The following SREBF1 variants were observed in gnomAD, a reference collection of about 807,000 sequenced individuals.
SREBF1 encodes the protein sterol regulatory element-binding protein 1.
In SREBF1, 45 loss-of-function variants were observed where a neutral mutation model predicts 100.1. The observed-to-expected ratio is 0.45, with a 90% CI of 0.35 to 0.58. SREBF1 has a LOEUF of 0.58. Among genes scored for constraint, SREBF1 ranks in the 20% least tolerant of loss-of-function variants. SREBF1 has a pLI of 0.00. For missense variants in SREBF1, 1,324 were observed against 1,539.4 expected (o/e 0.86, Z 2.34); for synonymous variants, 657 against 681.8 (o/e 0.96, Z 0.57).
chr17:17,829,191 T>TAAAAAAAAAA (rs1253225038), intron 1 of SREBF1, among the ~76,000 whole-genome samples: 10 of 44,926 alleles, frequency 2.2e-4, no homozygotes, highest in African/African-American at 8.5e-4. Flanking sequence ...GACTCCATCT[T>TAAAAAAAAAA]AAAAAAAAAA....
In SREBF1 at chr17:17,812,219, C is replaced by T. The variant is rs772480064; in HGVS notation, c.*403G>A. 53 of 394,182 alleles carry T rather than the reference C, an allele frequency of 1.3e-4. No homozygotes were observed. Among genetic ancestry groups the T allele is most frequent in the Non-Finnish European group, 2.1e-4 (44 of 213,306 alleles). The allele number at this position is 394,182 out of a possible 1,614,324, so 24.4% of individuals were successfully genotyped here. ...ACACTATGTACACGTCTCTCTCCCA[C>T]GACGGAGAGAGAGGCCTCTGGGGCA... On this transcript the variant is annotated 3_prime_UTR_variant, in exon 19 of 19. Transcript: ENST00000261646.
chr17:17,836,629 G>C (rs1352682315), intron 1 of SREBF1, 98 bp downstream of exon 1: 3 of 1,253,180 alleles, frequency 2.4e-6, no homozygotes, highest in Non-Finnish European at 3.4e-6. Context: ...ACAGCACGGA[G>C]CTGGCGCCCG....
chr17:17,833,905 A>G (rs1459015952), intron 1 of SREBF1, among the ~76,000 whole-genome samples: 1 of 152,046 alleles, frequency 6.6e-6, no homozygotes, highest in Non-Finnish European at 1.5e-5. Flanking sequence ...TGAGAGGCAG[A>G]GTTTGCAGTG....
In SREBF1 at chr17:17,812,513, G is replaced by A; in HGVS notation, c.*109C>T. On this transcript the variant is annotated 3_prime_UTR_variant, in exon 19 of 19. Coordinates refer to ENST00000261646, the MANE Select transcript of SREBF1 (RefSeq NM_004176.5). The stretch of plus-strand genomic sequence containing the variant: ...AGCAGCCGCAGGTCGAACTGTGGAG[G>A]CCAGAGTCTCTTGCACTGCCTTCGG... 8.6e-7 allele frequency: 1 copy of A among 1,161,046 alleles called. No individual in the cohort carries two copies. The highest frequency in any genetic ancestry group is 1.5e-5 in the African/African-American group (1 of 64,656). 71.9% of individuals were successfully genotyped at this position (1,161,046 alleles called of 1,614,324 possible). A position where few individuals can be genotyped will look rare whatever the true frequency, so the allele number is the denominator to read the frequency against.
chr17:17,815,695 G>A (rs1323598407), intron 12 of SREBF1, 165 bp downstream of exon 12: 61 of 726,438 alleles, frequency 8.4e-5, no homozygotes, highest in Non-Finnish European at 1.0e-4. Flanking sequence ...CAATGGGAAC[G>A]AGAGGCACCC....
At chr17:17,835,922 C>CT (rs991138411) in intron 1 of SREBF1, among the ~76,000 whole-genome samples, 1 of 152,250 alleles carries the variant, frequency 6.6e-6, no homozygotes, top group African/African-American at 2.4e-5. Flanking sequence ...GCCTCGAGGC[C>CT]TTTGCCCTTC....
chr17:17,812,215 C>G lies in SREBF1; in HGVS notation c.*407G>C, dbSNP rs748556069. ...ACCTACACTATGTACACGTCTCTCT[C>G]CCACGACGGAGAGAGAGGCCTCTGG... is the stretch of plus-strand genomic sequence containing the variant. On this transcript the variant is annotated 3_prime_UTR_variant, in exon 19 of 19. Coordinates refer to ENST00000261646, the MANE Select transcript of SREBF1 (RefSeq NM_004176.5). 34 of 396,094 alleles carry G rather than the reference C, an allele frequency of 8.6e-5. No individual in the cohort carries two copies. Among genetic ancestry groups the G allele is most frequent in the Non-Finnish European group, 1.4e-4 (29 of 213,814 alleles). 24.5% of individuals were successfully genotyped at this position (396,094 alleles called of 1,614,324 possible).
In SREBF1 at chr17:17,817,026, G is replaced by A. The variant is rs756315141; in HGVS notation, c.1717C>T (p.Arg573Trp). Reference sequence around the variant, plus strand: ...TACACGGCGGGGCCTGAGTGGGGCCGTGTGACTGGCTCACCGTAGACAAAG... The same window carrying A: ...TACACGGCGGGGCCTGAGTGGGGCCATGTGACTGGCTCACCGTAGACAAAG... ...LLFVYGEPVT[R>W]PHSGPAVYFW... The change falls in exon 9 of 19, where the codon CGG (arginine) becomes TGG (tryptophan). Residue 573 changes from arginine (R) to tryptophan (W), a missense_variant. Coordinates refer to ENST00000261646, the MANE Select transcript of SREBF1 (RefSeq NM_004176.5). This position sits in a 1 kb window ranked among gnomAD's most constrained non-coding sequence, Gnocchi z 6.6. 5.6e-6 allele frequency: 9 copies of A among 1,613,122 alleles called. No individual in the cohort carries two copies. Among genetic ancestry groups the A allele is most frequent in the African/African-American group, 4.0e-5 (3 of 75,062 alleles).
Position 17,812,750 on chromosome 17 carries a change from C to A in SREBF1, c.3316G>T (p.Gly1106Trp). Reference sequence around the variant, plus strand: ...TCAGCCAGCATGCCCACGCGCTGCCCGGGCGCCGACAGGAAGCCGGGGGGC... The same window carrying A: ...TCAGCCAGCATGCCCACGCGCTGCCAGGGCGCCGACAGGAAGCCGGGGGGC... ...YLPPGFLSAP[G>W]QRVGMLAEAA... The change falls in exon 19 of 19, where the codon GGG (glycine) becomes TGG (tryptophan). Residue 1106 changes from glycine (G) to tryptophan (W), a missense_variant. Physicochemically the swap from Gly to Trp is radical, Grantham distance 184. Coordinates refer to ENST00000261646, the MANE Select transcript of SREBF1 (RefSeq NM_004176.5). The A allele has an allele frequency of 6.5e-7, 1 of 1,548,612 alleles. No homozygotes were observed. The highest frequency in any genetic ancestry group is 1.9e-5 in the Admixed American group (1 of 53,140).
intron 1 of SREBF1, among the ~76,000 whole-genome samples, chr17:17,828,635 G>A (rs1034987164): frequency 6.6e-6 from 1 of 152,240 alleles, no homozygotes; most frequent in Non-Finnish European, 1.5e-5. Context: ...CAGTGCTAAG[G>A]TTAGGCGCAG....
chr17:17,818,493 C>A (rs2033830918), intron 5 of SREBF1, 119 bp from the exon 6 acceptor site: 1 of 730,518 alleles, frequency 1.4e-6, no homozygotes, highest in East Asian at 2.7e-5. Context: ...GCCTCAGGAC[C>A]TTTGCACTTG....
chr17:17,835,696 T>C (rs1441418625), intron 1 of SREBF1, among the ~76,000 whole-genome samples: 1 of 152,266 alleles, frequency 6.6e-6, no homozygotes, highest in East Asian at 1.9e-4. Flanking sequence ...CCGTTTGCTC[T>C]ATCTACAAAA....
Position 17,817,786 on chromosome 17 carries a change from G to A in SREBF1, c.1314C>T (p.Ser438=), listed in dbSNP as rs757825722. Residue 438 remains serine, a synonymous_variant, in exon 7 of 19, where the codon AGC becomes AGT. Coordinates refer to ENST00000261646, the MANE Select transcript of SREBF1 (RefSeq NM_004176.5). The surrounding 1 kb of genome is among the most constrained non-coding windows in gnomAD (Gnocchi z 6.6). ...CCCTGCTGCCAAGGGACAAGGGGCT[G>A]CTCTGGAAAGGTGAGCCAGCATCCG... ...PPSDAGSPFQ[S]SPLSLGSRGS... is the part of the protein sequence containing the mutation. 1.9e-6 allele frequency: 3 copies of A among 1,613,798 alleles called. No individual in the cohort carries two copies. Among genetic ancestry groups the A allele is most frequent in the Non-Finnish European group, 2.5e-6 (3 of 1,180,004 alleles).
Position 17,816,967 on chromosome 17 carries a change from G to T in SREBF1, c.1776C>A (p.Asp592Glu). ...GGGGCCAGCCCCTTACCCGGGCCAG[G>T]TCCAGGTCAGCCTGCTTGCGATGCC... is the stretch of plus-strand genomic sequence containing the variant. ...FWRHRKQADL[D>E]LARGDFAQAA... Residue 592 changes from aspartate (D) to glutamate (E), a missense_variant, in exon 9 of 19, where the codon GAC (aspartate) becomes GAA (glutamate). Transcript: ENST00000261646. 1 of 1,613,010 alleles carries T rather than the reference G, an allele frequency of 6.2e-7. No homozygotes were observed. The highest frequency in any genetic ancestry group is 8.5e-7 in the Non-Finnish European group (1 of 1,180,050).
At chr17:17,829,096 C>T (rs747512636) in intron 1 of SREBF1, among the ~76,000 whole-genome samples, 19 of 149,638 alleles carry the variant, frequency 1.3e-4, no homozygotes, top group Non-Finnish European at 1.8e-4. Context: ...GGGAGGCTGA[C>T]GCAGGAGAAT....
At chr17:17,818,113 T>C (rs886904467) in intron 6 of SREBF1, 147 bp downstream of exon 6, 2 of 728,674 alleles carry the variant, frequency 2.7e-6, no homozygotes, top group Non-Finnish European at 2.2e-6. Context: ...TAGAGCTGAA[T>C]GCAGGGCTAC....
At chr17:17,816,405 G>A in intron 10 of SREBF1, 32 bp from the exon 11 acceptor site, 5 of 1,598,212 alleles carry the variant, frequency 3.1e-6, no homozygotes, top group Non-Finnish European at 4.3e-6. Flanking sequence ...GGCTGTGGGT[G>A]GAGCACAGGC....
Position 17,819,742 on chromosome 17 carries a change from T to C in SREBF1, c.524-17A>G, listed in dbSNP as rs745458579. On this transcript the variant is annotated splice_polypyrimidine_tract_variant and intron_variant, in intron 2 of 18. Transcript: ENST00000261646. Reference sequence around the variant, plus strand: ...GAGGGCTTCCTGCAGAAATAAAGCATGGGGCTGCAGACACAGACCTCCCTC... The same window carrying C: ...GAGGGCTTCCTGCAGAAATAAAGCACGGGGCTGCAGACACAGACCTCCCTC... The C allele has an allele frequency of 1.9e-6, 3 of 1,584,784 alleles. No individual in the cohort carries two copies. In the South Asian group the frequency reaches 3.4e-5, roughly 18 times the overall value.
At chr17:17,829,553 T>C (rs1298564771) in intron 1 of SREBF1, among the ~76,000 whole-genome samples, 1 of 152,094 alleles carries the variant, frequency 6.6e-6, no homozygotes, top group African/African-American at 2.4e-5. Flanking sequence ...AAGGCTGCCT[T>C]GATGTGTTTT....
Sources: allele counts gnomAD v4.1 joint callset (sites outside exome capture counted in the v4.1 genomes callset), GRCh38; gene constraint gnomAD v4.1.1; non-coding constraint Gnocchi (gnomAD v3.1); transcripts MANE v1.5; gene names NCBI Gene and HGNC (gene_info 2026-07-23, HGNC 2026-07-21).